The following FAM78B variants were observed in gnomAD, a reference collection of about 807,000 sequenced individuals.
FAM78B encodes protein FAM78B.
A neutral mutation model predicts 20.0 loss-of-function variants in FAM78B; 10 were observed. That is an observed-to-expected ratio of 0.50 (90% CI 0.31 to 0.85). FAM78B has a LOEUF of 0.85. Ranked by LOEUF, FAM78B falls within the 40% of genes least tolerant of loss-of-function variation. The pLI, the probability that FAM78B is intolerant of heterozygous loss-of-function variation, is 0.05. For synonymous variants in FAM78B, 135 were observed against 132.8 expected (o/e 1.02, Z -0.12); for missense variants, 283 against 345.0 (o/e 0.82, Z 1.42).
intron 1 of FAM78B, among the ~76,000 whole-genome samples, chr1:166,128,125 A>G (rs1654710075): frequency 6.6e-6 from 1 of 152,234 alleles, no homozygotes; most frequent in South Asian, 2.1e-4. Context: ...AGGAGAGCTA[A>G]GCCAACAAAA....
chr1:166,070,011 C>G lies in FAM78B; in HGVS notation c.*230G>C, dbSNP rs73033944. 10,557 of 1,233,022 alleles carry G rather than the reference C, an allele frequency of 8.6e-3. 671 individuals carry two copies. In the African/African-American group the frequency reaches 0.14, roughly 17 times the overall value. The allele number at this position is 1,233,022 out of a possible 1,614,324, so 76.4% of individuals were successfully genotyped here. ...ATGGCTACTTGCATGGTAATCACAG[C>G]AAGTCTGTCAAATCAGTGATTTCTT... On this transcript the variant is annotated 3_prime_UTR_variant, in exon 2 of 2. Coordinates refer to ENST00000354422, the MANE Select transcript of FAM78B (RefSeq NM_001017961.5).
At chr1:166,122,625 T>C (rs1654503439) in intron 1 of FAM78B, among the ~76,000 whole-genome samples, 1 of 152,228 alleles carries the variant, frequency 6.6e-6, no homozygotes, top group African/African-American at 2.4e-5. Context: ...ACCCTGAATC[T>C]GGGTTCAAAT....
rs149861432 is a variant in FAM78B at position 166,118,937 on chromosome 1, C to T, written c.263+47049G>A. The stretch of plus-strand genomic sequence containing the variant: ...CCATTCCATTTTGTCATTTTGCAGA[C>T]ACCAGGACAGAGGGGCAGAGGTGAA... On this transcript the variant is annotated intron_variant, in intron 1 of 1. Coordinates refer to ENST00000354422, the MANE Select transcript of FAM78B (RefSeq NM_001017961.5). Among the ~76,000 whole-genome samples the T allele has an allele frequency of 1.8e-3, 274 of 152,226 alleles. 1 individual carries two copies. The highest frequency in any genetic ancestry group is 6.4e-3 in the African/African-American group (266 of 41,542).
At chr1:166,112,876 G>A (rs4339838) in intron 1 of FAM78B, among the ~76,000 whole-genome samples, 29,633 of 152,108 alleles carry the variant, frequency 0.19, 3,278 homozygotes, top group East Asian at 0.37. Flanking sequence ...GAGAGGTTAT[G>A]TAATTTGCCA....
chr1:166,077,788 CATAT>C (rs1652347000), intron 1 of FAM78B, among the ~76,000 whole-genome samples: 1 of 128,638 alleles, frequency 7.8e-6, no homozygotes, highest in Non-Finnish European at 1.6e-5. Flanking sequence ...ATAATAAATA[CATAT>C]AATTATATAT....
intron 1 of FAM78B, among the ~76,000 whole-genome samples, chr1:166,130,242 A>C (rs1056735561): frequency 5.3e-5 from 8 of 152,222 alleles, no homozygotes; most frequent in Non-Finnish European, 8.8e-5. Flanking sequence ...GGACAAACTT[A>C]CCTGAATCGC....
At chr1:166,118,186 G>C (rs943939548) in intron 1 of FAM78B, among the ~76,000 whole-genome samples, 3 of 152,216 alleles carry the variant, frequency 2.0e-5, no homozygotes, top group African/African-American at 7.2e-5. Context: ...TCACAGACAG[G>C]AGCTTGGATG....
chr1:166,166,131 T>C lies in FAM78B; in HGVS notation c.118A>G (p.Ile40Val). 6.2e-7 allele frequency: 1 copy of C among 1,610,046 alleles called. No homozygotes were observed. The highest frequency in any genetic ancestry group is 2.2e-5 in the East Asian group (1 of 44,592). ...TAGGGGGTCTTGTAGCGCAGGACGA[T>C]GGGCGAGGTCTCCTCGATGCGCGTG... is the stretch of plus-strand genomic sequence containing the variant. ...CPTRIEETSP[I>V]VLRYKTPYFK... The change falls in exon 1 of 2, where the codon ATC becomes GTC. Residue 40 changes from isoleucine to valine, a missense_variant. Ile to Val is a conservative substitution (Grantham distance 29). Transcript: ENST00000354422.
At chr1:166,080,605 C>G (rs1054081500) in intron 1 of FAM78B, among the ~76,000 whole-genome samples, 1 of 152,218 alleles carries the variant, frequency 6.6e-6, no homozygotes, top group Non-Finnish European at 1.5e-5. Context: ...AGGCTTCTGC[C>G]TTTTCTCTTC....
chr1:166,127,302 T>G lies in FAM78B; in HGVS notation c.263+38684A>C, dbSNP rs370603444. ...GTTCAATTCTGCCCTAGACAGAGAC[T>G]GCATATATATTGGCTGCCTCCACCC... is the stretch of plus-strand genomic sequence containing the variant. On this transcript the variant is annotated intron_variant, in intron 1 of 1. Coordinates refer to ENST00000354422, the MANE Select transcript of FAM78B (RefSeq NM_001017961.5). Among the ~76,000 whole-genome samples, 35 of 152,332 alleles carry G rather than the reference T, an allele frequency of 2.3e-4. No individual in the cohort carries two copies. In the East Asian group the frequency reaches 5.2e-3, roughly 23 times the overall value.
intron 1 of FAM78B, among the ~76,000 whole-genome samples, chr1:166,073,155 A>T (rs745376107): frequency 6.6e-6 from 1 of 152,226 alleles, no homozygotes; most frequent in Non-Finnish European, 1.5e-5. Flanking sequence ...GGAACAGAGA[A>T]ATACAACAGG....
At chr1:166,109,868 G>GTATATATATATATA (rs1167115543) in intron 1 of FAM78B, among the ~76,000 whole-genome samples, 2 of 8,582 alleles carry the variant, frequency 2.3e-4, no homozygotes, top group Non-Finnish European at 6.2e-4. Context: ...ATATGTATGT[G>GTATATATATATATA]TATATATATA....
At position 166,101,502 on chromosome 1, in the gene FAM78B, G is replaced by C. The variant is rs191131843; in HGVS notation, c.264-30739C>G. Among the ~76,000 whole-genome samples the C allele has an allele frequency of 2.9e-3, 445 of 152,306 alleles. 1 individual carries two copies. Among genetic ancestry groups the C allele is most frequent in the South Asian group, 0.021 (99 of 4,828 alleles). On this transcript the variant is annotated intron_variant, in intron 1 of 1. Transcript: ENST00000354422. ...ATGGCTAACTAGAATAACCAATGCA[G>C]AGAAGTCCTTAAAGGACCTGATGGA...
At chr1:166,138,555 C>G (rs1393131178) in intron 1 of FAM78B, among the ~76,000 whole-genome samples, 1 of 152,146 alleles carries the variant, frequency 6.6e-6, no homozygotes, top group East Asian at 1.9e-4. Context: ...AAAGAGATCA[C>G]ACATCTTCGC....
rs1571220785 is a variant in FAM78B at position 166,166,098 on chromosome 1, C to T, written c.151G>A (p.Ala51Thr). The change falls in exon 1 of 2, where the codon GCC (alanine) becomes ACC (threonine). Residue 51 changes from alanine (A) to threonine (T), a missense_variant. Ala to Thr is a moderately conservative substitution (Grantham distance 58). Coordinates refer to ENST00000354422, the MANE Select transcript of FAM78B (RefSeq NM_001017961.5). ...GGGGGCATGACCACGCGGGCGGAGG[C>T]TTTGAAGTAGGGGGTCTTGTAGCGC... is the stretch of plus-strand genomic sequence containing the variant. ...VLRYKTPYFKASARVVMPPIP... is the reference protein window; with the variant it reads ...VLRYKTPYFKTSARVVMPPIP... The T allele has an allele frequency of 6.2e-7, 1 of 1,613,066 alleles. No homozygotes were observed.
intron 1 of FAM78B, among the ~76,000 whole-genome samples, chr1:166,110,230 A>ACCCAATACCACCTGTAC (rs1427948661): frequency 1.3e-5 from 2 of 151,448 alleles, no homozygotes; most frequent in Non-Finnish European, 2.9e-5. Flanking sequence ...TACTCATGTA[A>ACCCAATACCACCTGTAC]CCCAATACCA....
At chr1:166,153,076 T>C (rs1053006823) in intron 1 of FAM78B, among the ~76,000 whole-genome samples, 1 of 152,190 alleles carries the variant, frequency 6.6e-6, no homozygotes, top group Non-Finnish European at 1.5e-5. Flanking sequence ...AGATCATCCA[T>C]GGTTTTTGGA....
At chr1:166,151,615 G>A (rs1158488820) in intron 1 of FAM78B, among the ~76,000 whole-genome samples, 1 of 152,144 alleles carries the variant, frequency 6.6e-6, no homozygotes, top group Admixed American at 6.6e-5. Context: ...CAGAAACCAT[G>A]GCCAGATGTA....
At chr1:166,065,558 T>C (rs747084758), downstream of FAM78B, among the ~76,000 whole-genome samples, 4 of 152,194 alleles carry the variant, frequency 2.6e-5, no homozygotes, top group Non-Finnish European at 1.5e-5. Context: ...AAAGCACTTA[T>C]ACATAAAGGG....
Sources: gnomAD v4.1 joint callset for allele counts (sites outside exome capture counted in the v4.1 genomes callset) on GRCh38, gnomAD v4.1.1 for gene constraint, MANE v1.5 for transcripts, NCBI Gene and HGNC (gene_info 2026-07-23, HGNC 2026-07-21) for gene names.